TACC2: variants seen among roughly 807,000 people sequenced by gnomAD.
The protein encoded by TACC2 is transforming acidic coiled-coil containing protein 2, also known as transforming acidic coiled-coil-containing protein 2.
A neutral mutation model predicts 227.3 loss-of-function variants in TACC2; 137 were observed. The observed-to-expected ratio is 0.60, with a 90% CI of 0.52 to 0.69. The LOEUF is 0.69. Ranked by LOEUF, TACC2 falls within the 30% of genes least tolerant of loss-of-function variation. The probability of loss-of-function intolerance (pLI) is 0.00; values close to 1 mark genes in which losing one functional copy is unlikely to be tolerated. For synonymous variants in TACC2, 1,523 were observed against 1,487.5 expected, an observed-to-expected ratio of 1.02 and a Z score of -0.55; for missense variants, 3,470 against 3,694.4, an observed-to-expected ratio of 0.94 and a Z score of 1.57.
At chr10:122,191,973 G>A (rs936863887) in intron 7 of TACC2, among the ~76,000 whole-genome samples, 19 of 152,148 alleles carry the variant, frequency 1.2e-4, no homozygotes, top group African/African-American at 4.3e-4. Flanking sequence ...AGACTCGTTG[G>A]GGGTGGACTG....
At chr10:122,039,523 C>T (rs900391463) in intron 2 of TACC2, among the ~76,000 whole-genome samples, 3 of 151,768 alleles carry the variant, frequency 2.0e-5, no homozygotes, top group Admixed American at 1.3e-4. Context: ...GGGTCTGGGG[C>T]GGCCTGAGAT....
chr10:122,119,709 T>C (rs1446262202), intron 5 of TACC2, among the ~76,000 whole-genome samples: 2 of 151,222 alleles, frequency 1.3e-5, no homozygotes, highest in Non-Finnish European at 2.9e-5. Context: ...AGGTCAGGAG[T>C]TCAAGACCAG....
At chr10:122,110,624 A>C (rs2083476464) in intron 5 of TACC2, among the ~76,000 whole-genome samples, 1 of 152,208 alleles carries the variant, frequency 6.6e-6, no homozygotes, top group Admixed American at 6.5e-5. Context: ...TGCCGAGGTC[A>C]GCCTTCCTCG....
chr10:122,236,021 G>A (rs1356594747), intron 16 of TACC2, among the ~76,000 whole-genome samples: 1 of 152,150 alleles, frequency 6.6e-6, no homozygotes, highest in Non-Finnish European at 1.5e-5. Flanking sequence ...CACCCTGCAT[G>A]TATACAGCTA....
intron 1 of TACC2, among the ~76,000 whole-genome samples, chr10:121,995,801 T>C (rs1487872941): frequency 6.6e-6 from 1 of 152,188 alleles, no homozygotes; most frequent in Non-Finnish European, 1.5e-5. Flanking sequence ...GTCGCCAGGC[T>C]GGAGTGCAGT....
intron 5 of TACC2, chr10:122,112,933 G>C (rs917267956): frequency 6.6e-6 from 1 of 152,062 alleles, no homozygotes; most frequent in East Asian, 1.9e-4. Context: ...GCGAGCAGCT[G>C]GCCGAGCGCT....
At chr10:122,135,007 G>A (rs2420999) in intron 6 of TACC2, among the ~76,000 whole-genome samples, 51,822 of 152,036 alleles carry the variant, frequency 0.34, 9,184 homozygotes, top group African/African-American at 0.44. Flanking sequence ...CACCATGCTG[G>A]GTGTGTTTCA....
rs532281287 is a variant in TACC2, at chr10:122,195,165, C to T, written c.5960C>T (p.Pro1987Leu). 3.5e-5 allele frequency: 56 copies of T among 1,610,324 alleles called. No homozygotes were observed. Among genetic ancestry groups the T allele is most frequent in the East Asian group, 8.9e-5 (4 of 44,772 alleles). ...PEPEVSTQPP[P>L]EEPGCGSETV... ...CCCGAGGTCAGCACACAGCCACCCC[C>T]GGAAGAACCAGGTAACCAAGGGCAG... Residue 1987 changes from proline to leucine, a missense_variant, in exon 8 of 23, where the codon CCG (proline) becomes CTG (leucine). By Grantham distance (98) the Pro-to-Leu change is moderately conservative. Transcript: ENST00000369005.
chr10:122,085,416 T>C lies in TACC2; in HGVS notation c.2916T>C (p.Phe972=). 6.2e-7 allele frequency: 1 copy of C among 1,613,928 alleles called. No individual in the cohort carries two copies. The highest frequency in any genetic ancestry group is 8.5e-7 in the Non-Finnish European group (1 of 1,180,044). ...CAGCAGCAGATGTCTTAAAAGACTT[T>C]TCTCTTGCAGGGAACTTCAGCAGAA... ...SPPAADVLKD[F]SLAGNFSRKE... is the part of the protein sequence containing the mutation. The change falls in exon 4 of 23, where the codon TTT becomes TTC. Residue 972 remains phenylalanine, a synonymous_variant. Coordinates refer to ENST00000369005, the MANE Select transcript of TACC2 (RefSeq NM_206862.4).
intron 2 of TACC2, among the ~76,000 whole-genome samples, chr10:122,044,745 G>GA (rs1302462848): frequency 1.3e-5 from 2 of 151,312 alleles, no homozygotes; most frequent in Non-Finnish European, 2.9e-5. Flanking sequence ...TTTAGGACTG[G>GA]AAAATTGCTG....
chr10:122,160,322 CA>C (rs2092740631), intron 7 of TACC2, among the ~76,000 whole-genome samples: 1 of 152,156 alleles, frequency 6.6e-6, no homozygotes, highest in Admixed American at 6.5e-5. Context: ...GACAGGCCCC[CA>C]GGGGCTGTTT....
chr10:122,247,827 A>G (rs2096160152), intron 19 of TACC2: 1 of 152,180 alleles, frequency 6.6e-6, no homozygotes, highest in Admixed American at 6.5e-5. Context: ...GCTCATTAGA[A>G]ATCTGTACCC....
chr10:122,132,053 A>AGGG (rs2088295934), intron 5 of TACC2, among the ~76,000 whole-genome samples: 1 of 31,082 alleles, frequency 3.2e-5, no homozygotes, highest in African/African-American at 7.0e-5. Flanking sequence ...AGAAAGAAAG[A>AGGG]AAGAAAGAAA....
At position 122,141,833 on chromosome 10, in the gene TACC2, G is replaced by GA. The variant is rs1410078101; in HGVS notation, c.5700-1739_5700-1738insA. ...TTGGTGGGATGTGTGTGGTGGAGGG[G>GA]GGAGCACAGCAGTGTAATTTCTTGA... On this transcript the variant is annotated intron_variant, in intron 6 of 22. Coordinates refer to ENST00000369005, the MANE Select transcript of TACC2 (RefSeq NM_206862.4). This position sits in a 1 kb window ranked among gnomAD's most constrained non-coding sequence, Gnocchi z 4.3. Among the ~76,000 whole-genome samples the GA allele has an allele frequency of 3.3e-5, 5 of 152,074 alleles. No individual in the cohort carries two copies. Among genetic ancestry groups the GA allele is most frequent in the South Asian group, 2.1e-4 (1 of 4,812 alleles).
Position 122,086,684 on chromosome 10 carries a change from G to A in TACC2, c.4184G>A (p.Ser1395Asn). The change falls in exon 4 of 23, where the codon AGC (serine) becomes AAC (asparagine). Residue 1395 changes from serine (S) to asparagine (N), a missense_variant. Ser to Asn is a conservative substitution (Grantham distance 46). Coordinates refer to ENST00000369005, the MANE Select transcript of TACC2 (RefSeq NM_206862.4). The stretch of plus-strand genomic sequence containing the variant: ...GGCACATCAGGTGGTGTGGACACAA[G>A]CTCTGAGCAAATCGCCACCCTCACT... ...KQGTSGGVDT[S>N]SEQIATLTGF... 1 of 1,613,486 alleles carries A rather than the reference G, an allele frequency of 6.2e-7. No individual in the cohort carries two copies. Among genetic ancestry groups the A allele is most frequent in the Non-Finnish European group, 8.5e-7 (1 of 1,179,688 alleles).
chr10:122,054,967 C>T (rs1414466824), intron 3 of TACC2, among the ~76,000 whole-genome samples: 2 of 152,126 alleles, frequency 1.3e-5, no homozygotes, highest in Non-Finnish European at 2.9e-5. Flanking sequence ...CGTCTGTAAT[C>T]CCAGCACTGT....
chr10:122,156,460 G>C (rs1466489882), intron 7 of TACC2, among the ~76,000 whole-genome samples: 1 of 151,990 alleles, frequency 6.6e-6, no homozygotes, highest in African/African-American at 2.4e-5. Flanking sequence ...TCCTGACCTT[G>C]TGATCCGCCC....
chr10:122,109,549 A>G (rs2083343913), intron 5 of TACC2, among the ~76,000 whole-genome samples: 1 of 152,198 alleles, frequency 6.6e-6, no homozygotes, highest in Non-Finnish European at 1.5e-5. Context: ...TCCCTTCAGC[A>G]ATGCTAGTCC....
intron 3 of TACC2, among the ~76,000 whole-genome samples, chr10:122,080,117 G>A (rs1364064993): frequency 6.6e-6 from 1 of 152,078 alleles, no homozygotes; most frequent in Non-Finnish European, 1.5e-5. Context: ...TTTCTGGTGA[G>A]GCCTTTCTTC....
Sources: gnomAD v4.1 joint callset for allele counts (sites outside exome capture counted in the v4.1 genomes callset) on GRCh38, gnomAD v4.1.1 for gene constraint, Gnocchi (gnomAD v3.1) non-coding constraint, MANE v1.5 for transcripts, NCBI Gene and HGNC (gene_info 2026-07-23, HGNC 2026-07-21) for gene names.